Variants in DEPDC7 observed in about 807,000 individuals in gnomAD.
DEPDC7 encodes the protein DEP domain containing 7.
In DEPDC7, 41 loss-of-function variants were observed where a neutral mutation model predicts 56.6. The ratio of observed to expected loss-of-function variants is 0.72; its 90% confidence interval spans 0.56 to 0.94. DEPDC7 has a LOEUF of 0.94. DEPDC7 is among the 40% of genes least tolerant of loss of function. DEPDC7 has a pLI of 0.00. For missense variants in DEPDC7, 522 were observed against 596.3 expected, an observed-to-expected ratio of 0.88 and a Z score of 1.30; for synonymous variants, 185 against 208.8, an observed-to-expected ratio of 0.89 and a Z score of 0.98.
At chr11:33,030,895 TA>T (rs1337913720) in intron 4 of DEPDC7, among the ~76,000 whole-genome samples, 3 of 152,168 alleles carry the variant, frequency 2.0e-5, no homozygotes, top group Non-Finnish European at 4.4e-5. Context: ...GATGTGTAAT[TA>T]TTTTGAAATG....
intron 3 of DEPDC7, chr11:33,028,024 C>A: frequency 2.5e-6 from 1 of 396,698 alleles, no homozygotes; most frequent in Non-Finnish European, 4.3e-6. Flanking sequence ...TGACTTTTGT[C>A]CGATCAGCTG....
intron 4 of DEPDC7, among the ~76,000 whole-genome samples, chr11:33,030,625 C>T (rs1853623685): frequency 6.6e-6 from 1 of 151,956 alleles, no homozygotes; most frequent in Non-Finnish European, 1.5e-5. Flanking sequence ...GCTCTGTTGC[C>T]CAGGCTGGAG....
chr11:33,027,562 G>C (rs1853591566), intron 2 of DEPDC7, 124 bp from the exon 3 acceptor site: 1 of 751,918 alleles, frequency 1.3e-6, no homozygotes, highest in Non-Finnish European at 1.9e-6. Context: ...TCTACTCTTA[G>C]AATTTGGATT....
chr11:33,028,751 CTA>C lies in DEPDC7; in HGVS notation c.743_744del (p.Tyr248SerfsTer10), dbSNP rs1366290472. 5.0e-6 allele frequency: 8 copies of C among 1,613,082 alleles called. No homozygotes were observed. The highest frequency in any genetic ancestry group is 5.9e-6 in the Non-Finnish European group (7 of 1,179,842). ...AGTCCACCATGGTCAACAGCAGTAA[CTA>C]TCTGGATCGAGGGATTCTCAAGGCT... The part of the protein sequence containing the change: ...RQSTMVNSSN[Y>X]LDRGILKAYS... On this transcript the variant is annotated frameshift_variant, in exon 4 of 9. Transcript: ENST00000241051. LOFTEE classifies it high-confidence loss of function.
rs1853449538 is a variant in DEPDC7, at chr11:33,015,880, A to G, written c.-76A>G. ...GCCTGCAGGGAGCCACGCCCCGCAC[A>G]GTTAACAGACGGGCGCTCAGGGAGC... On this transcript the variant is annotated 5_prime_UTR_variant, in exon 1 of 9. Transcript: ENST00000241051. 2 of 1,415,872 alleles carry G rather than the reference A, an allele frequency of 1.4e-6. No homozygotes were observed. Among genetic ancestry groups the G allele is most frequent in the Admixed American group, 2.2e-5 (1 of 45,594 alleles). The allele number at this position is 1,415,872 out of a possible 1,614,324, so 87.7% of individuals were successfully genotyped here.
intron 1 of DEPDC7, among the ~76,000 whole-genome samples, chr11:33,018,095 C>A (rs917389708): frequency 1.3e-5 from 2 of 152,204 alleles, no homozygotes; most frequent in Admixed American, 6.5e-5. Flanking sequence ...CTACCTGCAG[C>A]CTTCTTTTCA....
intron 2 of DEPDC7, chr11:33,026,413 T>C (rs1211070436): frequency 6.7e-6 from 2 of 298,390 alleles, no homozygotes; most frequent in East Asian, 7.6e-5. Context: ...GGAGACAGAA[T>C]TGTGGAATCC....
At chr11:33,016,083 G>C (rs973680026) in intron 1 of DEPDC7, 55 bp downstream of exon 1, 1 of 1,332,214 alleles carries the variant, frequency 7.5e-7, no homozygotes, top group Non-Finnish European at 9.6e-7. Flanking sequence ...GGGTGCGCGG[G>C]CTGGGTCCCG....
chr11:33,016,047 C>T lies in DEPDC7; in HGVS notation c.73+19C>T. ...CCTCCGGGTAGGTGCCGAGGACTGC[C>T]GCCTGGGATGGCGCGGGGCGGGCTG... On this transcript the variant is annotated intron_variant, in intron 1 of 8. Transcript: ENST00000241051. The T allele has an allele frequency of 1.4e-6, 2 of 1,477,864 alleles. No homozygotes were observed. The highest frequency in any genetic ancestry group is 2.9e-5 in the East Asian group (1 of 34,162). The allele number at this position is 1,477,864 out of a possible 1,614,324, so 91.5% of individuals were successfully genotyped here.
At position 33,032,331 on chromosome 11, in the gene DEPDC7, T is replaced by C; in HGVS notation, c.995-5T>C. ...TTAAAAGCAGTTTTTTTCTTTTGGC[T>C]AAAGTGAATGGGAAGACGGAAATAG... On this transcript the variant is annotated splice_region_variant and splice_polypyrimidine_tract_variant and intron_variant, in intron 5 of 8. Coordinates refer to ENST00000241051, the MANE Select transcript of DEPDC7 (RefSeq NM_001077242.2). The C allele has an allele frequency of 1.3e-6, 2 of 1,553,090 alleles. No homozygotes were observed. Among genetic ancestry groups the C allele is most frequent in the Non-Finnish European group, 1.7e-6 (2 of 1,161,348 alleles).
Position 33,031,386 on chromosome 11 carries a change from A to T in DEPDC7, c.791A>T (p.Glu264Val). The change falls in exon 5 of 9, where the codon GAG (glutamate) becomes GTG (valine). Residue 264 changes from glutamate (E) to valine (V), a missense_variant. By Grantham distance (121) the Glu-to-Val change is moderately radical (BLOSUM62 -2). Transcript: ENST00000241051. ...LKAYSDSQEDEWLSAAIDCLE... is the reference protein window; with the variant it reads ...LKAYSDSQEDVWLSAAIDCLE... ...TCCCCTCTCCCCTATAGGGAAGATG[A>T]GTGGCTCTCGGCAGCAATTGACTGT... is the stretch of plus-strand genomic sequence containing the variant. The T allele has an allele frequency of 1.1e-5, 17 of 1,613,860 alleles. No homozygotes were observed. The highest frequency in any genetic ancestry group is 1.4e-5 in the Non-Finnish European group (17 of 1,179,742).
intron 1 of DEPDC7, among the ~76,000 whole-genome samples, chr11:33,017,661 G>T (rs972737435): frequency 4.6e-5 from 7 of 152,178 alleles, no homozygotes; most frequent in African/African-American, 1.7e-4. Flanking sequence ...GTTCCAGTGA[G>T]CAAGGTAGTG....
In DEPDC7 at chr11:33,025,999, T is replaced by C; in HGVS notation, c.414T>C (p.Pro138=). ...SCSLYRFTTI[P]NQDSQLGKEN... ...GCCTTTATAGATTCACCACAATACC[T>C]AACCAAGACAGTCAGTTAGGCAAAG... is the stretch of plus-strand genomic sequence containing the variant. The change falls in exon 2 of 9, where the codon CCT becomes CCC. Residue 138 remains proline (P), a synonymous_variant. Transcript: ENST00000241051. 1 of 1,614,026 alleles carries C rather than the reference T, an allele frequency of 6.2e-7. No individual in the cohort carries two copies. Among genetic ancestry groups the C allele is most frequent in the Non-Finnish European group, 8.5e-7 (1 of 1,180,000 alleles).
At chr11:33,027,041 A>G (rs779018542) in intron 2 of DEPDC7, among the ~76,000 whole-genome samples, 1 of 152,206 alleles carries the variant, frequency 6.6e-6, no homozygotes, top group African/African-American at 2.4e-5. Context: ...GCAGGTCCAC[A>G]CACTTTATCT....
At position 33,015,891 on chromosome 11, in the gene DEPDC7, G is replaced by T. The variant is rs907010453; in HGVS notation, c.-65G>T. 5.4e-6 allele frequency: 8 copies of T among 1,484,244 alleles called. No homozygotes were observed. Among genetic ancestry groups the T allele is most frequent in the East Asian group, 5.3e-5 (2 of 37,444 alleles). The allele number at this position is 1,484,244 out of a possible 1,614,324, so 91.9% of individuals were successfully genotyped here. On this transcript the variant is annotated 5_prime_UTR_variant, in exon 1 of 9. Coordinates refer to ENST00000241051, the MANE Select transcript of DEPDC7 (RefSeq NM_001077242.2). ...GCCACGCCCCGCACAGTTAACAGACGGGCGCTCAGGGAGCTAGGGAGCTGT... is the reference window on the plus strand; with the variant it reads ...GCCACGCCCCGCACAGTTAACAGACTGGCGCTCAGGGAGCTAGGGAGCTGT...
intron 4 of DEPDC7, among the ~76,000 whole-genome samples, chr11:33,029,686 T>C (rs1197108589): frequency 1.3e-5 from 2 of 152,144 alleles, no homozygotes; most frequent in African/African-American, 2.4e-5. Context: ...AAATAAGTTA[T>C]CAGATTTTTC....
chr11:33,025,913 G>A lies in DEPDC7; in HGVS notation c.328G>A (p.Ala110Thr), dbSNP rs1483759415. 9 of 1,614,158 alleles carry A rather than the reference G, an allele frequency of 5.6e-6. No homozygotes were observed. The highest frequency in any genetic ancestry group is 5.9e-6 in the Non-Finnish European group (7 of 1,180,022). ...QALMDYKVFEAVPTKVFGKDK... is the reference protein window; with the variant it reads ...QALMDYKVFETVPTKVFGKDK... ...GCTTATGGACTACAAAGTATTTGAA[G>A]CAGTTCCAACCAAAGTCTTTGGAAA... Residue 110 changes from alanine (A) to threonine (T), a missense_variant, in exon 2 of 9, where the codon GCA becomes ACA. Physicochemically the swap from Ala to Thr is moderately conservative, Grantham distance 58. Coordinates refer to ENST00000241051, the MANE Select transcript of DEPDC7 (RefSeq NM_001077242.2).
Position 33,025,864 on chromosome 11 carries a change from C to G in DEPDC7, c.279C>G (p.Ala93=). ...TTGGTGATGTAGATATTCCTCGAGC[C>G]AAAGTGGTGAGAGTGTGTCAAGCGC... is the stretch of plus-strand genomic sequence containing the variant. ...KYFGDVDIPR[A]KVVRVCQALM... The change falls in exon 2 of 9, where the codon GCC becomes GCG. Residue 93 remains alanine, a synonymous_variant. Coordinates refer to ENST00000241051, the MANE Select transcript of DEPDC7 (RefSeq NM_001077242.2). 6.2e-7 allele frequency: 1 copy of G among 1,614,148 alleles called. No individual in the cohort carries two copies. Among genetic ancestry groups the G allele is most frequent in the South Asian group, 1.1e-5 (1 of 91,078 alleles).
chr11:33,016,169 C>G, intron 1 of DEPDC7, 141 bp downstream of exon 1: 2 of 1,259,650 alleles, frequency 1.6e-6, no homozygotes, highest in Non-Finnish European at 2.0e-6. Context: ...AGCACAGCTG[C>G]GACCACTTGG....
Sources: allele counts gnomAD v4.1 joint callset (sites outside exome capture counted in the v4.1 genomes callset), GRCh38; gene constraint gnomAD v4.1.1; transcripts MANE v1.5; gene names NCBI Gene and HGNC (gene_info 2026-07-23, HGNC 2026-07-21).